Variants in MAGI2 observed in about 807,000 individuals in gnomAD.
The protein encoded by MAGI2 is membrane-associated guanylate kinase, WW and PDZ domain-containing protein 2.
In MAGI2, 35 loss-of-function variants were observed where a neutral mutation model predicts 133.3. The observed-to-expected ratio is 0.26, with a 90% CI of 0.20 to 0.35. The LOEUF (loss-of-function observed/expected upper bound fraction) is 0.35, where lower values mean the gene tolerates loss of function less well. MAGI2 is among the 10% of genes least tolerant of loss of function. The pLI is 1.00. For missense variants in MAGI2, 1,636 were observed against 1,863.4 expected (o/e 0.88, Z 2.25); for synonymous variants, 729 against 710.6 (o/e 1.03, Z -0.41).
chr7:79,402,237 C>T lies in MAGI2; in HGVS notation c.301+50783G>A, dbSNP rs938553411. On this transcript the variant is annotated intron_variant, in intron 1 of 21. Coordinates refer to ENST00000354212, the MANE Select transcript of MAGI2 (RefSeq NM_012301.4). ...TGAAATGACTATTAGTTGCAATGAACTAATAAATTTTTTAAAATTGCAATT... is the reference window on the plus strand; with the variant it reads ...TGAAATGACTATTAGTTGCAATGAATTAATAAATTTTTTAAAATTGCAATT... Among the ~76,000 whole-genome samples, 5 of 151,992 alleles carry T rather than the reference C, an allele frequency of 3.3e-5. No individual in the cohort carries two copies. In the East Asian group the frequency reaches 7.7e-4, roughly 24 times the overall value.
At chr7:79,379,567 T>G (rs1435230466) in intron 1 of MAGI2, among the ~76,000 whole-genome samples, 1 of 151,832 alleles carries the variant, frequency 6.6e-6, no homozygotes, top group Non-Finnish European at 1.5e-5. Flanking sequence ...AACTAGTTTA[T>G]AGTCCCACCA....
intron 2 of MAGI2, among the ~76,000 whole-genome samples, chr7:78,999,017 A>C (rs12705911): frequency 0.67 from 101,356 of 151,846 alleles, 34,039 homozygotes; most frequent in Non-Finnish European, 0.7. Flanking sequence ...TCCAGAGACA[A>C]AATATAGCCT....
chr7:79,441,077 A>T (rs1225409340), intron 1 of MAGI2, among the ~76,000 whole-genome samples: 1 of 152,208 alleles, frequency 6.6e-6, no homozygotes, highest in East Asian at 1.9e-4. Flanking sequence ...CGATTTCCTA[A>T]ACTAATAACT....
At chr7:78,629,200 T>C (rs145019378) in intron 2 of MAGI2, among the ~76,000 whole-genome samples, 3 of 152,288 alleles carry the variant, frequency 2.0e-5, no homozygotes, top group Non-Finnish European at 4.4e-5. Flanking sequence ...ATCTCCATCT[T>C]GCACTTCAGA....
chr7:78,536,704 TACTC>T (rs1232684406), intron 3 of MAGI2, among the ~76,000 whole-genome samples: 2 of 151,984 alleles, frequency 1.3e-5, no homozygotes, highest in Non-Finnish European at 2.9e-5. Flanking sequence ...TTGCTCCTAA[TACTC>T]AGGATTTCTT....
At chr7:78,604,083 T>TC (rs1342237275) in intron 3 of MAGI2, among the ~76,000 whole-genome samples, 1 of 152,144 alleles carries the variant, frequency 6.6e-6, no homozygotes, top group Admixed American at 6.5e-5. Context: ...ATTATGAGAT[T>TC]CCCTGGCAGC....
chr7:78,357,826 T>A (rs1016041635), intron 7 of MAGI2, among the ~76,000 whole-genome samples: 5 of 152,076 alleles, frequency 3.3e-5, no homozygotes, highest in African/African-American at 4.8e-5. Context: ...ACAATTGTAG[T>A]TTGGCTTAAT....
chr7:78,217,744 A>T (rs183092883), intron 10 of MAGI2, among the ~76,000 whole-genome samples: 1 of 152,324 alleles, frequency 6.6e-6, no homozygotes, highest in African/African-American at 2.4e-5. Flanking sequence ...TTAGCAGACT[A>T]GTTACTTGCC....
intron 2 of MAGI2, among the ~76,000 whole-genome samples, chr7:78,777,395 C>T (rs73135599): frequency 0.03 from 4,530 of 152,220 alleles, 110 homozygotes; most frequent in Non-Finnish European, 0.042. Flanking sequence ...TAACATAATG[C>T]ATGTAAGGAG....
chr7:79,293,265 C>CA (rs1836645576), intron 1 of MAGI2, among the ~76,000 whole-genome samples: 2 of 152,214 alleles, frequency 1.3e-5, no homozygotes, highest in East Asian at 1.9e-4. Flanking sequence ...TCTAGTGTTA[C>CA]AAAAAATGAA....
chr7:78,579,046 C>T (rs1802566557), intron 3 of MAGI2, among the ~76,000 whole-genome samples: 1 of 152,186 alleles, frequency 6.6e-6, no homozygotes, highest in Admixed American at 6.5e-5. Context: ...GTGTGGCTCA[C>T]TCCTTTGTGA....
chr7:78,242,265 A>G (rs1369822141), intron 10 of MAGI2, among the ~76,000 whole-genome samples: 1 of 152,182 alleles, frequency 6.6e-6, no homozygotes, highest in African/African-American at 2.4e-5. Flanking sequence ...GCTGTGAGTT[A>G]GAGAGAGGAC....
chr7:78,594,983 A>G (rs1032962967), intron 3 of MAGI2, among the ~76,000 whole-genome samples: 1 of 152,200 alleles, frequency 6.6e-6, no homozygotes. Flanking sequence ...ACAGACATAT[A>G]GCTTAGAAGG....
intron 9 of MAGI2, among the ~76,000 whole-genome samples, chr7:78,342,758 A>G (rs1381897941): frequency 1.3e-5 from 2 of 152,192 alleles, no homozygotes; most frequent in Non-Finnish European, 2.9e-5. Flanking sequence ...GAGTTGAACA[A>G]TGAGAACACA....
At chr7:78,569,009 T>G (rs1801231364) in intron 3 of MAGI2, among the ~76,000 whole-genome samples, 1 of 152,152 alleles carries the variant, frequency 6.6e-6, no homozygotes, top group South Asian at 2.1e-4. Flanking sequence ...CGACACCTGC[T>G]TGGTCACTCC....
At chr7:79,215,438 A>C (rs886396364) in intron 1 of MAGI2, among the ~76,000 whole-genome samples, 1 of 152,028 alleles carries the variant, frequency 6.6e-6, no homozygotes, top group African/African-American at 2.4e-5. Flanking sequence ...TCTGATAAGA[A>C]ACATTTACCA....
intron 2 of MAGI2, among the ~76,000 whole-genome samples, chr7:78,973,402 C>T (rs1265172042): frequency 6.6e-6 from 1 of 151,744 alleles, no homozygotes; most frequent in African/African-American, 2.4e-5. Flanking sequence ...GACTTCTTTA[C>T]AGTGTCATTA....
Position 78,452,588 on chromosome 7 carries a change from C to T in MAGI2, c.1045+37173G>A, listed in dbSNP as rs1183312215. Among the ~76,000 whole-genome samples, 9 of 151,702 alleles carry T rather than the reference C, an allele frequency of 5.9e-5. No homozygotes were observed. The East Asian group carries it at 1.7e-3, about 29-fold the overall frequency. On this transcript the variant is annotated intron_variant, in intron 6 of 21. Transcript: ENST00000354212. ...TTTTCTGGGAAAAAAACCAAGTATG[C>T]AGTGTTTAATTAATTTTTATAATAA...
intron 2 of MAGI2, among the ~76,000 whole-genome samples, chr7:78,772,113 C>G (rs2151321940): frequency 6.6e-6 from 1 of 152,028 alleles, no homozygotes; most frequent in South Asian, 2.1e-4. Context: ...GGACCTAGGC[C>G]CTAAAGAGTA....
Sources: allele counts gnomAD v4.1 joint callset (sites outside exome capture counted in the v4.1 genomes callset), GRCh38; gene constraint gnomAD v4.1.1; transcripts MANE v1.5; gene names NCBI Gene and HGNC (gene_info 2026-07-23, HGNC 2026-07-21).